CCDC47: variants seen among roughly 807,000 people sequenced by gnomAD.
The protein encoded by CCDC47 is coiled-coil domain containing 47, also known as PAT complex subunit CCDC47.
Under a neutral mutation model 60.5 loss-of-function variants are expected in CCDC47, and 41 were observed. The observed-to-expected ratio is 0.68, with a 90% confidence interval of 0.53 to 0.88. CCDC47 has a LOEUF of 0.88. CCDC47 is among the 40% of genes least tolerant of loss of function. The probability of loss-of-function intolerance (pLI) is 0.00; values close to 1 mark genes in which losing one functional copy is unlikely to be tolerated. For synonymous variants in CCDC47, 195 were observed against 190.7 expected, an observed-to-expected ratio of 1.02 and a Z score of -0.18; for missense variants, 513 against 580.9, an observed-to-expected ratio of 0.88 and a Z score of 1.20.
chr17:63,752,843 TG>T, intron 9 of CCDC47, 44 bp from the exon 10 acceptor site: 1 of 1,594,580 alleles, frequency 6.3e-7, no homozygotes. Context: ...ACAAGAAAGA[TG>T]TTTTCCATGT....
chr17:63,751,365 CAAAAAAAAAAAAAAAAA>C (rs59161342), intron 12 of CCDC47, among the ~76,000 whole-genome samples: 52 of 29,508 alleles, frequency 1.8e-3, no homozygotes, highest in East Asian at 2.1e-3. Context: ...GACTCCATCT[CAAAAAAAAAAAAAAAAA>C]AAAAAAAAAA....
At chr17:63,750,541 CAA>C (rs2039154925) in intron 12 of CCDC47, among the ~76,000 whole-genome samples, 1 of 152,014 alleles carries the variant, frequency 6.6e-6, no homozygotes, top group South Asian at 2.1e-4. Flanking sequence ...TCAATTATCT[CAA>C]GATTATTCTT....
chr17:63,754,218 C>A (rs2039188022), intron 9 of CCDC47, among the ~76,000 whole-genome samples: 1 of 152,168 alleles, frequency 6.6e-6, no homozygotes, highest in Non-Finnish European at 1.5e-5. Context: ...CATGCAGGGA[C>A]ACATACAAAC....
intron 6 of CCDC47, among the ~76,000 whole-genome samples, chr17:63,760,464 G>A (rs1481574504): frequency 6.6e-6 from 1 of 152,164 alleles, no homozygotes; most frequent in Non-Finnish European, 1.5e-5. Flanking sequence ...AGGAGAAAAA[G>A]GGTCCATTTT....
In CCDC47 at chr17:63,752,804, C is replaced by A. The variant is rs764885963; in HGVS notation, c.1035-5G>T. On this transcript the variant is annotated splice_polypyrimidine_tract_variant and splice_region_variant and intron_variant, in intron 9 of 12. Transcript: ENST00000225726. Reference sequence around the variant, plus strand: ...AGCTTTAAAGGCTGACCTTCCCTGTCATAAAAGAAAAGGCAATTAAGAAGG... The same window carrying A: ...AGCTTTAAAGGCTGACCTTCCCTGTAATAAAAGAAAAGGCAATTAAGAAGG... The A allele has an allele frequency of 1.2e-6, 2 of 1,609,998 alleles. No individual in the cohort carries two copies. The highest frequency in any genetic ancestry group is 4.5e-5 in the East Asian group (2 of 44,620).
chr17:63,761,810 G>C lies in CCDC47; in HGVS notation c.548-459C>G, dbSNP rs917037949. ...GCTGTCTTATAGAACTGTTTGGACA[G>C]GGACTGAAATAGATTAGCACTGTTC... On this transcript the variant is annotated intron_variant, in intron 4 of 12. Coordinates refer to ENST00000225726, the MANE Select transcript of CCDC47 (RefSeq NM_020198.3). The C allele has an allele frequency of 4.1e-6, 4 of 980,918 alleles. No individual in the cohort carries two copies. The African/African-American group carries it at 5.3e-5, about 13-fold the overall frequency. The allele number at this position is 980,918 out of a possible 1,614,324, so 60.8% of individuals were successfully genotyped here.
intron 1 of CCDC47, among the ~76,000 whole-genome samples, chr17:63,769,805 G>A (rs1262218197): frequency 6.6e-6 from 1 of 152,076 alleles, no homozygotes; most frequent in Non-Finnish European, 1.5e-5. Flanking sequence ...GAAAGTTTAC[G>A]AATTTGTGTT....
At position 63,765,633 on chromosome 17, in the gene CCDC47, C is replaced by T. The variant is rs1044302527; in HGVS notation, c.264+279G>A. The T allele has an allele frequency of 2.2e-5, 24 of 1,108,670 alleles. No individual in the cohort carries two copies. The African/African-American group carries it at 3.5e-4, about 16-fold the overall frequency. The allele number at this position is 1,108,670 out of a possible 1,614,324, so 68.7% of individuals were successfully genotyped here. ...GGGATTACAGGCATGAGCCACCGTG[C>T]CCAGCCAATTGCAAAGTTCTAAATA... is the stretch of plus-strand genomic sequence containing the variant. On this transcript the variant is annotated intron_variant, in intron 2 of 12. Transcript: ENST00000225726.
intron 9 of CCDC47, among the ~76,000 whole-genome samples, chr17:63,754,211 G>C (rs1373796049): frequency 6.6e-6 from 1 of 152,150 alleles, no homozygotes; most frequent in Non-Finnish European, 1.5e-5. Context: ...GCACAAACAT[G>C]CAGGGACACA....
intron 8 of CCDC47, chr17:63,755,504 C>T: frequency 6.7e-6 from 1 of 149,844 alleles, no homozygotes; most frequent in Non-Finnish European, 1.5e-5. Context: ...TTTAGTCATA[C>T]CAATGATTAA....
intron 6 of CCDC47, among the ~76,000 whole-genome samples, chr17:63,758,719 T>C (rs2039226576): frequency 6.6e-6 from 1 of 152,094 alleles, no homozygotes. Context: ...ATATTTGTTA[T>C]ATTAATTACA....
Position 63,746,821 on chromosome 17 carries a change from A to G in CCDC47, c.*60T>C. 1 of 1,278,628 alleles carries G rather than the reference A, an allele frequency of 7.8e-7. No individual in the cohort carries two copies. Among genetic ancestry groups the G allele is most frequent in the Non-Finnish European group, 1.1e-6 (1 of 877,876 alleles). The allele number at this position is 1,278,628 out of a possible 1,614,324, so 79.2% of individuals were successfully genotyped here. A position where few individuals can be genotyped will look rare whatever the true frequency, so the allele number is the denominator to read the frequency against. ...GTTGAGAAATGGACTGGCGTTTTTC[A>G]TGTTTCCTGTGAATTCAGAGCTTAC... is the stretch of plus-strand genomic sequence containing the variant. On this transcript the variant is annotated 3_prime_UTR_variant, in exon 13 of 13. Coordinates refer to ENST00000225726, the MANE Select transcript of CCDC47 (RefSeq NM_020198.3).
chr17:63,753,250 CATAT>C (rs2039180654), intron 9 of CCDC47: 4 of 904,644 alleles, frequency 4.4e-6, no homozygotes, highest in Non-Finnish European at 5.3e-6. Context: ...TCTACTACAG[CATAT>C]ATAATTTAGT....
intron 6 of CCDC47, among the ~76,000 whole-genome samples, chr17:63,760,062 CAAAAA>C (rs10643408): frequency 1.4e-4 from 14 of 98,436 alleles, no homozygotes; most frequent in Middle Eastern, 0.012. Context: ...GACTCCGTCT[CAAAAA>C]AAAAAAAAAA....
intron 1 of CCDC47, among the ~76,000 whole-genome samples, chr17:63,770,474 T>C (rs893421164): frequency 1.3e-5 from 2 of 152,150 alleles, no homozygotes; most frequent in African/African-American, 2.4e-5. Context: ...TACTGGCAAC[T>C]GCAGGGAAGT....
chr17:63,751,703 T>C (rs2039166671), intron 12 of CCDC47: 1 of 569,812 alleles, frequency 1.8e-6, no homozygotes, highest in Admixed American at 3.2e-5. Flanking sequence ...CAAAATGAAA[T>C]TGTGCTGGGG....
In CCDC47 at chr17:63,770,376, C is replaced by T. The variant is rs191566822; in HGVS notation, c.-20+3036G>A. 9.9e-5 allele frequency among the ~76,000 whole-genome samples: 15 copies of T among 152,070 alleles called. 1 individual carries two copies. The East Asian group carries it at 2.7e-3, about 27-fold the overall frequency. On this transcript the variant is annotated intron_variant, in intron 1 of 12. Coordinates refer to ENST00000225726, the MANE Select transcript of CCDC47 (RefSeq NM_020198.3). ...GCCTGAAATAGCATATTTTAGGAGC[C>T]TGGTATGATAGGACATTGGGTTTGT... is the stretch of plus-strand genomic sequence containing the variant.
Position 63,766,212 on chromosome 17 carries a change from C to A in CCDC47, c.-19-18G>T. The A allele has an allele frequency of 1.3e-6, 2 of 1,578,738 alleles. No homozygotes were observed. Among genetic ancestry groups the A allele is most frequent in the Non-Finnish European group, 1.7e-6 (2 of 1,167,938 alleles). Reference sequence around the variant, plus strand: ...AAAAAAAGCTTAAAAAAAAAGAGAACCCCAAAATGGATTGCCATTCTATAC... The same window carrying A: ...AAAAAAAGCTTAAAAAAAAAGAGAAACCCAAAATGGATTGCCATTCTATAC... On this transcript the variant is annotated intron_variant, in intron 1 of 12. Transcript: ENST00000225726.
intron 2 of CCDC47, among the ~76,000 whole-genome samples, chr17:63,765,429 C>T (rs1218356010): frequency 6.6e-6 from 1 of 152,090 alleles, no homozygotes; most frequent in Non-Finnish European, 1.5e-5. Context: ...CAACCTCCAC[C>T]TCCCAGGTTC....
Sources: allele counts gnomAD v4.1 joint callset (sites outside exome capture counted in the v4.1 genomes callset), GRCh38; gene constraint gnomAD v4.1.1; transcripts MANE v1.5; gene names NCBI Gene and HGNC (gene_info 2026-07-23, HGNC 2026-07-21).